Variants in COL19A1 observed in about 807,000 individuals in gnomAD.
The protein encoded by COL19A1 is collagen type XIX alpha 1 chain.
Under a neutral mutation model 190.2 loss-of-function variants are expected in COL19A1, and 159 were observed. The observed-to-expected ratio is 0.84, with a 90% CI of 0.73 to 0.95. The LOEUF is 0.95. Among genes scored for constraint, COL19A1 ranks in the 40% least tolerant of loss-of-function variants. The probability of loss-of-function intolerance (pLI) is 0.00; values close to 1 mark genes in which losing one functional copy is unlikely to be tolerated. For missense variants in COL19A1, 1,418 were observed against 1,431.9 expected, an observed-to-expected ratio of 0.99 and a Z score of 0.16; for synonymous variants, 509 against 458.9, an observed-to-expected ratio of 1.11 and a Z score of -1.39.
intron 15 of COL19A1, among the ~76,000 whole-genome samples, chr6:70,083,561 T>C (rs894466244): frequency 2.6e-5 from 4 of 152,158 alleles, no homozygotes; most frequent in Non-Finnish European, 4.4e-5. Context: ...ATTTAGTAGG[T>C]TGCATTGATT....
chr6:69,967,662 GTCT>G (rs1189017040), intron 11 of COL19A1, among the ~76,000 whole-genome samples: 2 of 151,766 alleles, frequency 1.3e-5, no homozygotes, highest in African/African-American at 4.8e-5. Context: ...TTTTTTTATT[GTCT>G]TCTTCTTACC....
Position 70,130,246 on chromosome 6 carries a change from G to C in COL19A1, c.1383+23G>C. On this transcript the variant is annotated intron_variant, in intron 18 of 50. Transcript: ENST00000620364. ...AAGGTAATCAGATTTTTTTTTTTTA[G>C]ATGGAGTCTTGCTCTGTTGCCCAGG... 4 of 1,564,396 alleles carry C rather than the reference G, an allele frequency of 2.6e-6. No individual in the cohort carries two copies. In the South Asian group the frequency reaches 4.5e-5, roughly 18 times the overall value.
At chr6:69,868,311 G>C (rs1423929632) in intron 1 of COL19A1, among the ~76,000 whole-genome samples, 1 of 151,990 alleles carries the variant, frequency 6.6e-6, no homozygotes, top group Non-Finnish European at 1.5e-5. Flanking sequence ...AGAGATCTTT[G>C]ATATGGGCCT....
At chr6:70,169,604 G>A (rs182158499) in intron 40 of COL19A1, among the ~76,000 whole-genome samples, 79 of 152,106 alleles carry the variant, frequency 5.2e-4, no homozygotes, top group African/African-American at 1.8e-3. Context: ...TTTTGTTATT[G>A]GGCAATATAT....
chr6:70,004,738 T>C (rs113054770), intron 11 of COL19A1, among the ~76,000 whole-genome samples: 8,672 of 152,240 alleles, frequency 0.057, 826 homozygotes, highest in African/African-American at 0.19. Flanking sequence ...TGTTCCTCTC[T>C]AAACTGGTTA....
intron 12 of COL19A1, among the ~76,000 whole-genome samples, chr6:70,031,659 A>G (rs1027206808): frequency 3.9e-5 from 6 of 152,132 alleles, no homozygotes; most frequent in East Asian, 1.9e-4. Context: ...TTATGGCTTA[A>G]TAGTACTCCG....
rs780356696 is a variant in COL19A1, at chr6:70,176,477, T to C, written c.2623-43T>C. The C allele has an allele frequency of 2.5e-6, 4 of 1,595,124 alleles. No individual in the cohort carries two copies. The African/African-American group carries it at 5.4e-5, about 21-fold the overall frequency. On this transcript the variant is annotated intron_variant, in intron 41 of 50. Coordinates refer to ENST00000620364, the MANE Select transcript of COL19A1 (RefSeq NM_001858.6). ...AGAATTAATTTCATAACTAAAGACTTCATTGATGTCATTAAAGTAGCAATG... is the reference window on the plus strand; with the variant it reads ...AGAATTAATTTCATAACTAAAGACTCCATTGATGTCATTAAAGTAGCAATG...
intron 15 of COL19A1, among the ~76,000 whole-genome samples, chr6:70,090,107 G>T (rs898965988): frequency 6.6e-6 from 1 of 151,942 alleles, no homozygotes; most frequent in African/African-American, 2.4e-5. Flanking sequence ...AGCCCACGAG[G>T]TTGAGGCTGC....
At chr6:70,079,709 G>A (rs544388748) in intron 15 of COL19A1, among the ~76,000 whole-genome samples, 2 of 152,292 alleles carry the variant, frequency 1.3e-5, no homozygotes, top group Admixed American at 6.5e-5. Flanking sequence ...TTGCACAGAG[G>A]CAGACATGAC....
At chr6:69,880,814 A>G (rs1237239973) in intron 2 of COL19A1, among the ~76,000 whole-genome samples, 1 of 152,238 alleles carries the variant, frequency 6.6e-6, no homozygotes, top group Non-Finnish European at 1.5e-5. Flanking sequence ...TATGTAAAAA[A>G]GGAAAAGAGA....
intron 11 of COL19A1, among the ~76,000 whole-genome samples, chr6:70,018,030 AGATTTT>A (rs2150099792): frequency 6.6e-6 from 1 of 152,228 alleles, no homozygotes; most frequent in South Asian, 2.1e-4. Context: ...TAGAAGTGCA[AGATTTT>A]GTTTTAACAG....
chr6:69,936,899 A>G lies in COL19A1; in HGVS notation c.862A>G (p.Ile288Val), dbSNP rs758950206. ...KQELKDQCQC[I>V]PNKGEAGLPG... Reference sequence around the variant, plus strand: ...GGAACTTAAAGACCAGTGCCAGTGCATTCCAAACAAGGTATGCTAGTTTTA... The same window carrying G: ...GGAACTTAAAGACCAGTGCCAGTGCGTTCCAAACAAGGTATGCTAGTTTTA... The change falls in exon 8 of 51, where the codon ATT (isoleucine) becomes GTT (valine). Residue 288 changes from isoleucine to valine, a missense_variant. Ile to Val is a conservative substitution (Grantham distance 29, BLOSUM62 3). Coordinates refer to ENST00000620364, the MANE Select transcript of COL19A1 (RefSeq NM_001858.6). 40 of 1,612,790 alleles carry G rather than the reference A, an allele frequency of 2.5e-5. No individual in the cohort carries two copies. The highest frequency in any genetic ancestry group is 3.3e-5 in the Non-Finnish European group (39 of 1,179,138).
chr6:70,093,001 CTT>C (rs1463059096), intron 15 of COL19A1, among the ~76,000 whole-genome samples: 8 of 152,170 alleles, frequency 5.3e-5, no homozygotes, highest in South Asian at 2.1e-4. Flanking sequence ...TTAAATAAGA[CTT>C]ATCATTTTAT....
intron 37 of COL19A1, 54 bp from the exon 38 acceptor site, chr6:70,167,971 A>G: frequency 4.7e-6 from 6 of 1,269,912 alleles, no homozygotes; most frequent in Non-Finnish European, 6.7e-6. Context: ...TAAAATGTAG[A>G]GATGCAAAGT....
Position 70,184,708 on chromosome 6 carries a change from A to G in COL19A1, c.2781A>G (p.Ile927Met). 1 of 1,596,314 alleles carries G rather than the reference A, an allele frequency of 6.3e-7. No homozygotes were observed. The highest frequency in any genetic ancestry group is 8.6e-7 in the Non-Finnish European group (1 of 1,166,696). The change falls in exon 45 of 51, where the codon ATA becomes ATG. Residue 927 changes from isoleucine to methionine, a missense_variant. Transcript: ENST00000620364. ...GPEGPSGKPG[I>M]NGKDGIPGAQ... is the part of the protein sequence containing the mutation. Reference sequence around the variant, plus strand: ...AATCCTTTTTTTCTTTATAGGGAATAAATGGAAAAGATGGAATACCAGGTG... The same window carrying G: ...AATCCTTTTTTTCTTTATAGGGAATGAATGGAAAAGATGGAATACCAGGTG...
At chr6:70,058,451 C>G (rs144357317) in intron 14 of COL19A1, among the ~76,000 whole-genome samples, 1 of 152,038 alleles carries the variant, frequency 6.6e-6, no homozygotes, top group Non-Finnish European at 1.5e-5. Flanking sequence ...TCTAGCACAG[C>G]TCTTCCTATT....
intron 11 of COL19A1, among the ~76,000 whole-genome samples, chr6:70,001,081 G>T (rs1306340858): frequency 6.6e-6 from 1 of 152,042 alleles, no homozygotes; most frequent in African/African-American, 2.4e-5. Context: ...TCAGTTTTCT[G>T]GGTATGGCTA....
At chr6:69,876,699 T>C (rs574262486) in intron 1 of COL19A1, among the ~76,000 whole-genome samples, 1 of 152,288 alleles carries the variant, frequency 6.6e-6, no homozygotes, top group Non-Finnish European at 1.5e-5. Flanking sequence ...TGTCAACCAA[T>C]AGAAATCACT....
chr6:70,158,503 T>G (rs960644329), intron 34 of COL19A1, among the ~76,000 whole-genome samples: 1 of 152,114 alleles, frequency 6.6e-6, no homozygotes, highest in Admixed American at 6.6e-5. Context: ...AGGAGTTGCC[T>G]GCTTGTTTGT....
Sources: gnomAD v4.1 joint callset for allele counts (sites outside exome capture counted in the v4.1 genomes callset) on GRCh38, gnomAD v4.1.1 for gene constraint, MANE v1.5 for transcripts, NCBI Gene and HGNC (gene_info 2026-07-23, HGNC 2026-07-21) for gene names.